PPA2: variants seen among roughly 807,000 people sequenced by gnomAD.
PPA2 encodes the protein inorganic pyrophosphatase 2.
A neutral mutation model predicts 49.5 loss-of-function variants in PPA2; 48 were observed. That is an observed-to-expected ratio of 0.97 (90% CI 0.77 to 1.23). The LOEUF (loss-of-function observed/expected upper bound fraction) is 1.23. Ranked by LOEUF, PPA2 falls within the 50% of genes most tolerant of loss-of-function variation. The pLI, the probability that PPA2 is intolerant of heterozygous loss-of-function variation, is 0.00. For synonymous variants in PPA2, 131 were observed against 139.9 expected (o/e 0.94, Z 0.45); for missense variants, 429 against 410.1 (o/e 1.05, Z -0.40).
At chr4:105,438,681 C>T (rs1419293822) in intron 5 of PPA2, among the ~76,000 whole-genome samples, 2 of 152,112 alleles carry the variant, frequency 1.3e-5, no homozygotes, top group African/African-American at 2.4e-5. Flanking sequence ...TAAATGAAGA[C>T]TGTAATAGAA....
chr4:105,406,766 A>C (rs1578827336), intron 7 of PPA2, among the ~76,000 whole-genome samples: 1 of 152,204 alleles, frequency 6.6e-6, no homozygotes, highest in African/African-American at 2.4e-5. Context: ...ATTTGGTTGA[A>C]AGAAATCCAT....
chr4:105,426,297 A>G (rs1209631487), intron 6 of PPA2, among the ~76,000 whole-genome samples: 1 of 152,180 alleles, frequency 6.6e-6, no homozygotes, highest in East Asian at 1.9e-4. Flanking sequence ...CTGTATTTCA[A>G]ACTGAGGTAC....
At chr4:105,418,737 AC>A (rs1306147474) in intron 7 of PPA2, among the ~76,000 whole-genome samples, 2 of 152,262 alleles carry the variant, frequency 1.3e-5, no homozygotes, top group East Asian at 1.9e-4. Flanking sequence ...TAAAGGCCAA[AC>A]AAAAGAAATC....
intron 4 of PPA2, among the ~76,000 whole-genome samples, chr4:105,448,572 A>T (rs1048879326): frequency 1.3e-5 from 2 of 151,256 alleles, no homozygotes; most frequent in Non-Finnish European, 2.9e-5. Flanking sequence ...TCCCGGAAAA[A>T]TTTAAAAAAA....
At chr4:105,421,654 TGTAAA>T (rs760292671) in intron 7 of PPA2, among the ~76,000 whole-genome samples, 105 of 152,316 alleles carry the variant, frequency 6.9e-4, no homozygotes, top group South Asian at 3.1e-3. Context: ...CCTCGGTCTC[TGTAAA>T]GTAAAGAAGA....
In PPA2 at chr4:105,370,872, A is replaced by G; in HGVS notation, c.941T>C (p.Val314Ala). The G allele has an allele frequency of 6.8e-7, 1 of 1,472,114 alleles. No homozygotes were observed. Among genetic ancestry groups the G allele is most frequent in the Admixed American group, 2.2e-5 (1 of 45,998 alleles). The allele number at this position is 1,472,114 out of a possible 1,614,324, so 91.2% of individuals were successfully genotyped here. The change falls in exon 11 of 12, where the codon GTA (valine) becomes GCA (alanine). Residue 314 changes from valine (V) to alanine (A), a missense_variant and splice_region_variant. Coordinates refer to ENST00000341695, the MANE Select transcript of PPA2 (RefSeq NM_176869.3). ...QEEARSLVES[V>A]SSSPNKESNE... is the part of the protein sequence containing the mutation. Reference sequence around the variant, plus strand: ...ACTTTCTTTATTTGGTGAAGATGATACCTGGAAATAAAAACAGAGAAAGAA... The same window carrying G: ...ACTTTCTTTATTTGGTGAAGATGATGCCTGGAAATAAAAACAGAGAAAGAA...
chr4:105,375,648 C>T (rs1329410183), intron 10 of PPA2, among the ~76,000 whole-genome samples: 1 of 152,038 alleles, frequency 6.6e-6, no homozygotes, highest in Non-Finnish European at 1.5e-5. Context: ...GAGGGTATCC[C>T]AGCCAGATTA....
chr4:105,439,824 T>C (rs1343242705), intron 5 of PPA2, among the ~76,000 whole-genome samples: 1 of 144,396 alleles, frequency 6.9e-6, no homozygotes, highest in African/African-American at 2.6e-5. Flanking sequence ...CTCCTAATGC[T>C]ATCCCTCCCC....
intron 4 of PPA2, among the ~76,000 whole-genome samples, chr4:105,447,485 TTAA>T (rs1420323531): frequency 5.3e-5 from 8 of 152,204 alleles, no homozygotes; most frequent in African/African-American, 1.4e-4. Flanking sequence ...ATGAGTATAG[TTAA>T]TAACGTACAT....
At chr4:105,383,212 A>G (rs1242571309) in intron 10 of PPA2, among the ~76,000 whole-genome samples, 2 of 152,130 alleles carry the variant, frequency 1.3e-5, no homozygotes, top group Non-Finnish European at 2.9e-5. Context: ...TATATTTGTA[A>G]ACAAAGCCCA....
At chr4:105,376,819 C>T (rs1429980114) in intron 10 of PPA2, among the ~76,000 whole-genome samples, 1 of 152,154 alleles carries the variant, frequency 6.6e-6, no homozygotes, top group African/African-American at 2.4e-5. Flanking sequence ...TGGCTCTCTC[C>T]TCAGTTCTGT....
At chr4:105,454,336 TG>T in intron 2 of PPA2, among the ~76,000 whole-genome samples, 1 of 151,766 alleles carries the variant, frequency 6.6e-6, no homozygotes, top group Non-Finnish European at 1.5e-5. Flanking sequence ...TTGTTGTTGT[TG>T]TTGTTTTTGA....
intron 7 of PPA2, among the ~76,000 whole-genome samples, chr4:105,412,013 G>T (rs757531827): frequency 6.6e-6 from 1 of 152,138 alleles, no homozygotes; most frequent in African/African-American, 2.4e-5. Context: ...TGGCCATACT[G>T]CCCAAGGTAA....
chr4:105,459,178 G>T (rs1444755176), intron 1 of PPA2, among the ~76,000 whole-genome samples: 1 of 152,016 alleles, frequency 6.6e-6, no homozygotes, highest in Admixed American at 6.5e-5. Context: ...TGTGCACAAC[G>T]TAAGGATAAA....
chr4:105,401,980 A>G (rs1722211260), intron 7 of PPA2, among the ~76,000 whole-genome samples: 1 of 152,196 alleles, frequency 6.6e-6, no homozygotes, highest in Non-Finnish European at 1.5e-5. Context: ...TGTATCTTTT[A>G]TTATAATTAT....
intron 9 of PPA2, among the ~76,000 whole-genome samples, chr4:105,388,272 T>A (rs1560607473): frequency 1.3e-5 from 2 of 152,130 alleles, no homozygotes; most frequent in African/African-American, 4.8e-5. Flanking sequence ...GTGTCCTGTA[T>A]TTTTCATCTG....
At chr4:105,414,184 CTAT>C (rs926080053) in intron 7 of PPA2, among the ~76,000 whole-genome samples, 2 of 152,114 alleles carry the variant, frequency 1.3e-5, no homozygotes, top group Non-Finnish European at 2.9e-5. Flanking sequence ...AAATAATAAA[CTAT>C]TATTTAGGAA....
At chr4:105,408,990 A>G (rs1430791287) in intron 7 of PPA2, among the ~76,000 whole-genome samples, 2 of 152,216 alleles carry the variant, frequency 1.3e-5, no homozygotes, top group South Asian at 2.1e-4. Flanking sequence ...GATTGACGCA[A>G]AAGATGGGTG....
intron 7 of PPA2, among the ~76,000 whole-genome samples, chr4:105,416,190 A>C (rs569658316): frequency 9.2e-5 from 14 of 152,320 alleles, no homozygotes; most frequent in African/African-American, 2.2e-4. Context: ...GGCTACATAT[A>C]CTTCCACAAA....
Sources: gnomAD v4.1 joint callset for allele counts (sites outside exome capture counted in the v4.1 genomes callset) on GRCh38, gnomAD v4.1.1 for gene constraint, MANE v1.5 for transcripts, NCBI Gene and HGNC (gene_info 2026-07-23, HGNC 2026-07-21) for gene names.